The following GPATCH1 variants were observed in gnomAD, a reference collection of about 807,000 sequenced individuals.
GPATCH1 encodes the protein G-patch domain containing 1.
Under a neutral mutation model 114.9 loss-of-function variants are expected in GPATCH1, and 73 were observed. That is an observed-to-expected ratio of 0.64 (90% confidence interval 0.53 to 0.77). GPATCH1 has a LOEUF of 0.77. Ranked by LOEUF, GPATCH1 falls within the 30% of genes least tolerant of loss-of-function variation. GPATCH1 has a pLI of 0.00. For missense variants in GPATCH1, 1,058 were observed against 1,144.3 expected (o/e 0.92, Z 1.09); for synonymous variants, 391 against 428.4 (o/e 0.91, Z 1.08).
chr19:33,093,219 G>A (rs1425586352), intron 3 of GPATCH1, 140 bp from the exon 4 acceptor site: 2 of 555,260 alleles, frequency 3.6e-6, no homozygotes, highest in African/African-American at 1.9e-5. Context: ...AATAAAGTCA[G>A]TGTGTATGTC....
chr19:33,092,240 G>A (rs1020339366), intron 3 of GPATCH1, among the ~76,000 whole-genome samples: 5 of 151,804 alleles, frequency 3.3e-5, no homozygotes, highest in Non-Finnish European at 7.4e-5. Context: ...TAGTAGAGAC[G>A]GGGTTTCACC....
At chr19:33,114,966 C>A (rs1433864329) in intron 15 of GPATCH1, among the ~76,000 whole-genome samples, 1 of 151,586 alleles carries the variant, frequency 6.6e-6, no homozygotes, top group African/African-American at 2.4e-5. Context: ...CACCACCATG[C>A]CTGGCTAATT....
Position 33,106,675 on chromosome 19 carries a change from T to G in GPATCH1, c.1081-20T>G. On this transcript the variant is annotated intron_variant, in intron 9 of 19. Transcript: ENST00000170564. ...GATCTTGCAGCCTGTATTTTCTGGG[T>G]TTTGTCTTGGTTTGTTAAGATCTAT... The G allele has an allele frequency of 6.3e-7, 1 of 1,597,034 alleles. No individual in the cohort carries two copies. Among genetic ancestry groups the G allele is most frequent in the Non-Finnish European group, 8.6e-7 (1 of 1,167,138 alleles).
chr19:33,113,660 CT>C, intron 13 of GPATCH1, 106 bp from the exon 14 acceptor site: 1 of 894,746 alleles, frequency 1.1e-6, no homozygotes, highest in African/African-American at 1.7e-5. Context: ...TCTTAGGAGA[CT>C]TTTTAGTCAT....
At chr19:33,116,032 T>C (rs1972913063) in intron 15 of GPATCH1, among the ~76,000 whole-genome samples, 1 of 152,100 alleles carries the variant, frequency 6.6e-6, no homozygotes, top group African/African-American at 2.4e-5. Flanking sequence ...TTTTTTCTCT[T>C]GGTATTTTTT....
In GPATCH1 at chr19:33,097,856, C is replaced by T. The variant is rs199672250; in HGVS notation, c.954C>T (p.Asp318=). The T allele has an allele frequency of 1.5e-4, 235 of 1,613,958 alleles. 2 individuals carry two copies. In the South Asian group the frequency reaches 1.6e-3, roughly 11 times the overall value. Residue 318 remains aspartate, a synonymous_variant, in exon 8 of 20, where the codon GAC becomes GAT. Transcript: ENST00000170564. ...TTCTGAAGGACGAGGAGCCTGGAGA[C>T]GGACTCTATGGCTGGACAGCACCCA... is the stretch of plus-strand genomic sequence containing the variant. ...DTVLKDEEPG[D]GLYGWTAPRQ... is the part of the protein sequence containing the mutation.
Position 33,126,303 on chromosome 19 carries a change from T to C in GPATCH1, c.2620-285T>C, listed in dbSNP as rs114639985. Among the ~76,000 whole-genome samples the C allele has an allele frequency of 9.7e-3, 1,482 of 152,304 alleles. 28 individuals carry two copies. The highest frequency in any genetic ancestry group is 0.034 in the African/African-American group (1,425 of 41,568). The stretch of plus-strand genomic sequence containing the variant: ...AGGTCACCATGCATAAGATGTGTGG[T>C]GTCACGTCTTATGACACCAAGTGTT... On this transcript the variant is annotated intron_variant, in intron 18 of 19. Coordinates refer to ENST00000170564, the MANE Select transcript of GPATCH1 (RefSeq NM_018025.3).
At chr19:33,105,758 A>G (rs1972776949) in intron 9 of GPATCH1, among the ~76,000 whole-genome samples, 1 of 151,998 alleles carries the variant, frequency 6.6e-6, no homozygotes, top group African/African-American at 2.4e-5. Context: ...TCTTGACCTT[A>G]AGTGATCTGC....
At chr19:33,108,737 C>T (rs1400949673) in intron 10 of GPATCH1, among the ~76,000 whole-genome samples, 4 of 152,104 alleles carry the variant, frequency 2.6e-5, no homozygotes, top group Admixed American at 2.6e-4. Context: ...GGGCCAGGTC[C>T]TGGCATAGAG....
chr19:33,088,233 C>T lies in GPATCH1; in HGVS notation c.173C>T (p.Ser58Phe). ...CACGGGGCCTTTAGTGGAGGTTTCT[C>T]TGCTGGATACTTCAATACTGTTGGC... ...RFHGAFSGGF[S>F]AGYFNTVGSK... The change falls in exon 2 of 20, where the codon TCT becomes TTT. Residue 58 changes from serine (S) to phenylalanine (F), a missense_variant. Physicochemically the swap from Ser to Phe is radical, Grantham distance 155. Around this residue, in one of 3 missense-constraint regions of GPATCH1, gnomAD observed 131 missense variants for 107.2 expected, o/e 1.22. Transcript: ENST00000170564. The T allele has an allele frequency of 6.2e-7, 1 of 1,605,692 alleles. No homozygotes were observed. Among genetic ancestry groups the T allele is most frequent in the Non-Finnish European group, 8.5e-7 (1 of 1,175,674 alleles).
chr19:33,089,431 G>T (rs1236548368), intron 2 of GPATCH1, among the ~76,000 whole-genome samples: 3 of 152,176 alleles, frequency 2.0e-5, no homozygotes, highest in African/African-American at 2.4e-5. Context: ...GTTGTTTAAA[G>T]TATTGTATGT....
At chr19:33,096,605 G>A (rs566257856) in intron 7 of GPATCH1, among the ~76,000 whole-genome samples, 159 bp downstream of exon 7, 1 of 151,914 alleles carries the variant, frequency 6.6e-6, no homozygotes, top group Non-Finnish European at 1.5e-5. Context: ...TTTTTAAAAT[G>A]GTGACTTTGC....
intron 17 of GPATCH1, among the ~76,000 whole-genome samples, chr19:33,122,484 C>G (rs58062450): frequency 0.021 from 3,122 of 152,166 alleles, 94 homozygotes; most frequent in African/African-American, 0.072. Flanking sequence ...GCCACCACGC[C>G]TGCCTAATTT....
intron 17 of GPATCH1, among the ~76,000 whole-genome samples, chr19:33,122,676 C>T (rs1040521063): frequency 1.3e-5 from 2 of 151,992 alleles, no homozygotes; most frequent in Non-Finnish European, 1.5e-5. Flanking sequence ...CTTTTATGTC[C>T]CTTTACCATA....
intron 2 of GPATCH1, among the ~76,000 whole-genome samples, chr19:33,090,514 T>TTAAA (rs1972582311): frequency 6.6e-6 from 1 of 152,192 alleles, no homozygotes; most frequent in African/African-American, 2.4e-5. Context: ...ATTTCACAGT[T>TTAAA]TAACTTTCAA....
rs1972555621 is a variant in GPATCH1, at chr19:33,088,248, A to G, written c.188A>G (p.Asn63Ser). Residue 63 changes from asparagine (N) to serine (S), a missense_variant, in exon 2 of 20, where the codon AAT (asparagine) becomes AGT (serine). Asn to Ser is a conservative substitution (Grantham distance 46). Around this residue, in one of 3 missense-constraint regions of GPATCH1, gnomAD observed 131 missense variants for 107.2 expected, o/e 1.22. Transcript: ENST00000170564. Reference protein sequence around the residue: ...FSGGFSAGYFNTVGSKEGWTP... With the variant: ...FSGGFSAGYFSTVGSKEGWTP... ...GGAGGTTTCTCTGCTGGATACTTCA[A>G]TACTGTTGGCTCAAAAGAAGGTATC... 2.5e-6 allele frequency: 4 copies of G among 1,603,418 alleles called. No homozygotes were observed. The highest frequency in any genetic ancestry group is 2.2e-5 in the South Asian group (2 of 89,122).
intron 9 of GPATCH1, among the ~76,000 whole-genome samples, chr19:33,102,837 C>T (rs886735521): frequency 6.6e-6 from 1 of 152,174 alleles, no homozygotes; most frequent in Non-Finnish European, 1.5e-5. Context: ...CTGGATAACC[C>T]ATAGCCCTGG....
At chr19:33,082,177 G>T (rs900118109) in intron 1 of GPATCH1, among the ~76,000 whole-genome samples, 1 of 152,160 alleles carries the variant, frequency 6.6e-6, no homozygotes, top group African/African-American at 2.4e-5. Context: ...TGAAAGCAGA[G>T]CTGACCATAC....
chr19:33,094,028 G>T, intron 4 of GPATCH1, 144 bp from the exon 5 acceptor site: 1 of 615,088 alleles, frequency 1.6e-6, no homozygotes, highest in Non-Finnish European at 2.9e-6. Context: ...GGAATGGCAG[G>T]GTCACGCCAG....
Sources: allele counts gnomAD v4.1 joint callset (sites outside exome capture counted in the v4.1 genomes callset), GRCh38; gene constraint gnomAD v4.1.1; regional missense constraint gnomAD v4.1.1; transcripts MANE v1.5; gene names NCBI Gene and HGNC (gene_info 2026-07-23, HGNC 2026-07-21).